Variants in ADCY10 observed in about 807,000 individuals in gnomAD.
The protein encoded by ADCY10 is adenylate cyclase type 10.
In ADCY10, 156 loss-of-function variants were observed where a neutral mutation model predicts 183.3. The observed-to-expected ratio is 0.85, with a 90% CI of 0.75 to 0.97. The LOEUF is 0.97. Ranked by LOEUF, ADCY10 falls within the 50% of genes least tolerant of loss-of-function variation. ADCY10 has a pLI of 0.00. For synonymous variants in ADCY10, 645 were observed against 670.0 expected (o/e 0.96, Z 0.58); for missense variants, 1,745 against 1,934.3 (o/e 0.90, Z 1.84).
chr1:167,877,112 G>A (rs931585237), intron 12 of ADCY10, among the ~76,000 whole-genome samples: 17 of 151,710 alleles, frequency 1.1e-4, no homozygotes, highest in African/African-American at 3.4e-4. Flanking sequence ...GTGATTGCCC[G>A]TAAGGTCACA....
intron 1 of ADCY10, among the ~76,000 whole-genome samples, chr1:167,907,136 C>G (rs554955377): frequency 1.1e-4 from 17 of 152,256 alleles, no homozygotes; most frequent in African/African-American, 4.1e-4. Context: ...AAAGAACTGA[C>G]AGGTGTAATG....
At chr1:167,896,018 T>C (rs556279247) in intron 7 of ADCY10, among the ~76,000 whole-genome samples, 3 of 152,148 alleles carry the variant, frequency 2.0e-5, no homozygotes, top group Non-Finnish European at 4.4e-5. Flanking sequence ...GAAAAGAGCA[T>C]AAGCTATGGT....
At chr1:167,838,018 G>A (rs1664350842) in intron 21 of ADCY10, among the ~76,000 whole-genome samples, 1 of 152,226 alleles carries the variant, frequency 6.6e-6, no homozygotes, top group South Asian at 2.1e-4. Context: ...ATCCCAGAGA[G>A]GGGAATGAAC....
rs746894892 is a variant in ADCY10 at position 167,824,438 on chromosome 1, C to A, written c.4052+38G>T. The stretch of plus-strand genomic sequence containing the variant: ...CCCAGAATACTCAATAATACGGCCT[C>A]CTCCCCCTAATTTTGGAAAATGCTT... On this transcript the variant is annotated intron_variant, in intron 28 of 32. Transcript: ENST00000367851. 1.9e-6 allele frequency: 3 copies of A among 1,559,334 alleles called. No individual in the cohort carries two copies. In the Admixed American group the frequency reaches 5.0e-5, roughly 26 times the overall value.
intron 14 of ADCY10, among the ~76,000 whole-genome samples, chr1:167,866,528 G>GC (rs1184685736): frequency 3.1e-5 from 2 of 64,196 alleles, no homozygotes; most frequent in East Asian, 4.1e-4. Flanking sequence ...CACTCTATGT[G>GC]CCAAAAAAAA....
At position 167,840,384 on chromosome 1, in the gene ADCY10, T is replaced by C. The variant is rs969359235; in HGVS notation, c.3008-3066A>G. Among the ~76,000 whole-genome samples, 12 of 102,750 alleles carry C rather than the reference T, an allele frequency of 1.2e-4. No individual in the cohort carries two copies. In the Admixed American group the frequency reaches 1.3e-3, roughly 11 times the overall value. 67.4% of individuals were successfully genotyped at this position (102,750 alleles called of 152,430 possible). ...TTATTACTATTTTTTTTGGATGGAG[T>C]TTCACTCTGTTGCCTAGGCTGGAGC... is the stretch of plus-strand genomic sequence containing the variant. On this transcript the variant is annotated intron_variant, in intron 21 of 32. Coordinates refer to ENST00000367851, the MANE Select transcript of ADCY10 (RefSeq NM_018417.6).
At chr1:167,877,230 A>G (rs1310769039) in intron 12 of ADCY10, among the ~76,000 whole-genome samples, 1 of 149,700 alleles carries the variant, frequency 6.7e-6, no homozygotes, top group Admixed American at 6.7e-5. Flanking sequence ...GGAAATTATA[A>G]TAGTTTCTAT....
chr1:167,858,010 G>T (rs1198349202), intron 16 of ADCY10, among the ~76,000 whole-genome samples: 1 of 152,148 alleles, frequency 6.6e-6, no homozygotes, highest in Non-Finnish European at 1.5e-5. Context: ...AAATACTTGT[G>T]ATGCAAACAG....
intron 21 of ADCY10, among the ~76,000 whole-genome samples, chr1:167,838,567 A>G (rs1664395203): frequency 6.6e-6 from 1 of 152,222 alleles, no homozygotes; most frequent in Non-Finnish European, 1.5e-5. Flanking sequence ...GTCTACCAAC[A>G]TTCTAAATGT....
chr1:167,875,160 C>T lies in ADCY10; in HGVS notation c.1433G>A (p.Cys478Tyr), dbSNP rs1232516675. 1 of 1,614,158 alleles carries T rather than the reference C, an allele frequency of 6.2e-7. No individual in the cohort carries two copies. Among genetic ancestry groups the T allele is most frequent in the South Asian group, 1.1e-5 (1 of 91,086 alleles). Residue 478 changes from cysteine (C) to tyrosine (Y), a missense_variant, in exon 13 of 33, where the codon TGC (cysteine) becomes TAC (tyrosine). Cys to Tyr is a radical substitution (Grantham distance 194). Coordinates refer to ENST00000367851, the MANE Select transcript of ADCY10 (RefSeq NM_018417.6). ...CAAAGGGTAATCCTCCTTTCTGTTGCAGATGAGGCACGCCATACCAAACAT... is the reference window on the plus strand; with the variant it reads ...CAAAGGGTAATCCTCCTTTCTGTTGTAGATGAGGCACGCCATACCAAACAT... ...KVMFGMACLI[C>Y]NRKEDYPLLG...
chr1:167,834,304 C>G, intron 23 of ADCY10: 1 of 587,786 alleles, frequency 1.7e-6, no homozygotes, highest in Non-Finnish European at 3.0e-6. Flanking sequence ...TGGATCACTC[C>G]ATCAAGAGAA....
At chr1:167,816,365 G>T (rs1281283374) in intron 31 of ADCY10, among the ~76,000 whole-genome samples, 1 of 152,078 alleles carries the variant, frequency 6.6e-6, no homozygotes, top group Non-Finnish European at 1.5e-5. Flanking sequence ...GGCCAACATG[G>T]TGAAACCCTG....
In ADCY10 at chr1:167,833,922, G is replaced by A. The variant is rs761106841; in HGVS notation, c.3417+48C>T. 11 of 1,417,798 alleles carry A rather than the reference G, an allele frequency of 7.8e-6. No homozygotes were observed. In the South Asian group the frequency reaches 1.2e-4, roughly 15 times the overall value. 87.8% of individuals were successfully genotyped at this position (1,417,798 alleles called of 1,614,324 possible). On this transcript the variant is annotated intron_variant, in intron 24 of 32. Transcript: ENST00000367851. ...GGGATGACTTCTACTTCTATGGAAAGGCCTAAGATATATAACAGATAAATT... is the reference window on the plus strand; with the variant it reads ...GGGATGACTTCTACTTCTATGGAAAAGCCTAAGATATATAACAGATAAATT...
chr1:167,837,202 G>T, intron 22 of ADCY10, 47 bp downstream of exon 22: 1 of 1,488,448 alleles, frequency 6.7e-7, no homozygotes, highest in Non-Finnish European at 9.4e-7. Flanking sequence ...TGAATTTAAT[G>T]ACAATTATTT....
At chr1:167,827,297 A>G (rs1006311372) in intron 26 of ADCY10, among the ~76,000 whole-genome samples, 41 of 149,966 alleles carry the variant, frequency 2.7e-4, no homozygotes, top group South Asian at 1.7e-3. Flanking sequence ...CCTCCCGAGT[A>G]GCTGGGACTA....
At chr1:167,892,626 A>G (rs1668674358) in intron 8 of ADCY10, among the ~76,000 whole-genome samples, 1 of 152,154 alleles carries the variant, frequency 6.6e-6, no homozygotes, top group East Asian at 1.9e-4. Context: ...TTAAGCTTCA[A>G]AAGCCATGAA....
chr1:167,881,041 C>T (rs1342367768), intron 9 of ADCY10, among the ~76,000 whole-genome samples: 1 of 152,144 alleles, frequency 6.6e-6, no homozygotes, highest in Non-Finnish European at 1.5e-5. Flanking sequence ...TAGGAACTTC[C>T]GTTTATCTCT....
At position 167,824,791 on chromosome 1, in the gene ADCY10, A is replaced by G; in HGVS notation, c.3815T>C (p.Phe1272Ser). The G allele has an allele frequency of 6.2e-7, 1 of 1,614,202 alleles. No individual in the cohort carries two copies. The highest frequency in any genetic ancestry group is 8.5e-7 in the Non-Finnish European group (1 of 1,180,044). Reference sequence around the variant, plus strand: ...CTCCATGGCCATGACTTCATATTTGAACCACACACCTTTGTAGCCAGCCAG... The same window carrying G: ...CTCCATGGCCATGACTTCATATTTGGACCACACACCTTTGTAGCCAGCCAG... ...HHLAGYKGVW[F>S]KYEVMAMEHI... Residue 1272 changes from phenylalanine (F) to serine (S), a missense_variant, in exon 27 of 33, where the codon TTC (phenylalanine) becomes TCC (serine). Coordinates refer to ENST00000367851, the MANE Select transcript of ADCY10 (RefSeq NM_018417.6).
intron 21 of ADCY10, among the ~76,000 whole-genome samples, chr1:167,842,604 G>A (rs1401022847): frequency 2.0e-5 from 3 of 148,744 alleles, no homozygotes; most frequent in African/African-American, 4.9e-5. Flanking sequence ...AAAAAAAAAC[G>A]TTTCCTAGTA....
Sources: gnomAD v4.1 joint callset for allele counts (sites outside exome capture counted in the v4.1 genomes callset) on GRCh38, gnomAD v4.1.1 for gene constraint, MANE v1.5 for transcripts, NCBI Gene and HGNC (gene_info 2026-07-23, HGNC 2026-07-21) for gene names.